Variants in PCDHGA10 observed in about 807,000 individuals in gnomAD.
The protein encoded by PCDHGA10 is protocadherin gamma subfamily A, 10, also known as protocadherin gamma-A10.
A neutral mutation model predicts 59.5 loss-of-function variants in PCDHGA10; 42 were observed. That is an observed-to-expected ratio of 0.71 (90% CI 0.55 to 0.91). The LOEUF (loss-of-function observed/expected upper bound fraction) is 0.91, where lower values mean the gene tolerates loss of function less well. PCDHGA10 is among the 40% of genes least tolerant of loss of function. PCDHGA10 has a pLI of 0.00. For synonymous variants in PCDHGA10, 511 were observed against 517.2 expected (o/e 0.99, Z 0.16); for missense variants, 1,111 against 1,198.2 (o/e 0.93, Z 1.07).
intron 2 of PCDHGA10, among the ~76,000 whole-genome samples, chr5:141,502,135 G>A (rs1254187943): frequency 6.6e-6 from 1 of 152,154 alleles, no homozygotes; most frequent in East Asian, 1.9e-4. Context: ...GAGCTCAGTC[G>A]GGCCGGAAGT....
At chr5:141,449,933 G>A (rs1012332454) in intron 1 of PCDHGA10, among the ~76,000 whole-genome samples, 1 of 149,752 alleles carries the variant, frequency 6.7e-6, no homozygotes, top group African/African-American at 2.5e-5. Flanking sequence ...ATACCTTATA[G>A]TATATTTTAC....
At chr5:141,504,511 CTCTGATAT>C (rs2099838890) in intron 2 of PCDHGA10, among the ~76,000 whole-genome samples, 1 of 151,902 alleles carries the variant, frequency 6.6e-6, no homozygotes, top group Non-Finnish European at 1.5e-5. Flanking sequence ...AGTGGATCTC[CTCTGATAT>C]ATTTTATTCG....
intron 1 of PCDHGA10, among the ~76,000 whole-genome samples, chr5:141,449,594 A>T (rs2098647409): frequency 6.6e-6 from 1 of 150,814 alleles, no homozygotes; most frequent in Non-Finnish European, 1.5e-5. Context: ...GTCTCAAAAA[A>T]AAAAAAAAAA....
chr5:141,438,635 T>C (rs1325567714), intron 1 of PCDHGA10, among the ~76,000 whole-genome samples: 9 of 33,420 alleles, frequency 2.7e-4, no homozygotes, highest in East Asian at 1.8e-3. Flanking sequence ...TATATATATA[T>C]ACACACACAC....
chr5:141,470,842 CA>C (rs1300821457), intron 1 of PCDHGA10, among the ~76,000 whole-genome samples: 2 of 152,044 alleles, frequency 1.3e-5, no homozygotes, highest in African/African-American at 4.8e-5. Flanking sequence ...CACACGCCAC[CA>C]TGCTCAGATA....
At chr5:141,418,654 G>C (rs2096278227) in intron 1 of PCDHGA10, 1 of 1,614,016 alleles carries the variant, frequency 6.2e-7, no homozygotes, top group African/African-American at 1.3e-5. Context: ...TGAGAGTGAA[G>C]GCCACTGACC....
Position 141,485,182 on chromosome 5 carries a change from C to A in PCDHGA10, c.2437-9625C>A. 6.2e-7 allele frequency: 1 copy of A among 1,613,070 alleles called. No individual in the cohort carries two copies. The highest frequency in any genetic ancestry group is 8.5e-7 in the Non-Finnish European group (1 of 1,179,154). On this transcript the variant is annotated intron_variant, in intron 1 of 3. Coordinates refer to ENST00000398610, the MANE Select transcript of PCDHGA10 (RefSeq NM_018913.3). This position sits in a 1 kb window ranked among gnomAD's most constrained non-coding sequence, Gnocchi z 5.7. ...ATTAGCGGGCGGCAGCAATGCTCCG[C>A]AAGGTGAGAAGCTGGACAGAAATCT...
rs2099629299 is a variant in PCDHGA10, at chr5:141,486,426, A to G, written c.2437-8381A>G. ...GCTGGACCCTTGGATCGAGAGGCCA[A>G]ATCTAGCTATGACATCATGGTCACT... On this transcript the variant is annotated intron_variant, in intron 1 of 3. Transcript: ENST00000398610. The surrounding 1 kb of genome is among the most constrained non-coding windows in gnomAD (Gnocchi z 5.0). 1.9e-6 allele frequency: 3 copies of G among 1,614,190 alleles called. No individual in the cohort carries two copies. Among genetic ancestry groups the G allele is most frequent in the Non-Finnish European group, 2.5e-6 (3 of 1,180,026 alleles).
Position 141,431,479 on chromosome 5 carries a change from A to T in PCDHGA10, c.2436+15868A>T. 1 of 1,613,892 alleles carries T rather than the reference A, an allele frequency of 6.2e-7. No individual in the cohort carries two copies. Among genetic ancestry groups the T allele is most frequent in the South Asian group, 1.1e-5 (1 of 91,092 alleles). On this transcript the variant is annotated intron_variant, in intron 1 of 3. Transcript: ENST00000398610. This position sits in a 1 kb window ranked among gnomAD's most constrained non-coding sequence, Gnocchi z 4.8. ...TTCTGGATGCGAACGACAACGCACC[A>T]GCGTTTGCTCAGCCCGAGTACCGCG...
At chr5:141,505,305 C>T (rs1363643214) in intron 2 of PCDHGA10, 88 bp from the exon 3 acceptor site, 2 of 1,595,104 alleles carry the variant, frequency 1.3e-6, no homozygotes, top group Admixed American at 1.7e-5. Flanking sequence ...GGTTAGGGTA[C>T]TAGGTTTGGG....
Position 141,489,352 on chromosome 5 carries a change from G to A in PCDHGA10, c.2437-5455G>A, listed in dbSNP as rs1336068787. 1.9e-6 allele frequency: 3 copies of A among 1,612,152 alleles called. No homozygotes were observed. In the Admixed American group the frequency reaches 5.0e-5, roughly 27 times the overall value. On this transcript the variant is annotated intron_variant, in intron 1 of 3. Transcript: ENST00000398610. The surrounding 1 kb of genome is among the most constrained non-coding windows in gnomAD (Gnocchi z 4.5). ...GCAGCTTCGTTACTCAGTGGTGGAG[G>A]AGTCTGAGCCGGGGACGCTGGTGGG...
chr5:141,432,336 G>A lies in PCDHGA10; in HGVS notation c.2436+16725G>A. On this transcript the variant is annotated intron_variant, in intron 1 of 3. Coordinates refer to ENST00000398610, the MANE Select transcript of PCDHGA10 (RefSeq NM_018913.3). The surrounding 1 kb of genome is among the most constrained non-coding windows in gnomAD (Gnocchi z 6.0). ...AGCTCCTTCGACTACGAGCAGTTCC[G>A]AGACTTGCAAGTGAAAGTGATGGCG... 1.2e-6 allele frequency: 2 copies of A among 1,614,250 alleles called. No homozygotes were observed. The highest frequency in any genetic ancestry group is 1.7e-6 in the Non-Finnish European group (2 of 1,180,040).
At chr5:141,503,598 CAAAAAAAAAAAA>C (rs765754054) in intron 2 of PCDHGA10, among the ~76,000 whole-genome samples, 11 of 65,762 alleles carry the variant, frequency 1.7e-4, no homozygotes, top group Admixed American at 3.4e-4. Context: ...GACTCCAGCT[CAAAAAAAAAAAA>C]AAAAGAAAAA....
rs375113497 is a variant in PCDHGA10 at position 141,415,185 on chromosome 5, C to G, written c.2010C>G (p.Asp670Glu). 66 of 1,613,860 alleles carry G rather than the reference C, an allele frequency of 4.1e-5. No individual in the cohort carries two copies. Among genetic ancestry groups the G allele is most frequent in the Non-Finnish European group, 5.4e-5 (64 of 1,180,030 alleles). ...TCACGCTCACCGTGGCCGTGGCCGACAGCATCCCCCAAGTCCTGGCGGACC... is the reference window on the plus strand; with the variant it reads ...TCACGCTCACCGTGGCCGTGGCCGAGAGCATCCCCCAAGTCCTGGCGGACC... Reference protein sequence around the residue: ...ATVTLTVAVADSIPQVLADLG... With the variant: ...ATVTLTVAVAESIPQVLADLG... The change falls in exon 1 of 4, where the codon GAC becomes GAG. Residue 670 changes from aspartate (D) to glutamate (E), a missense_variant. By Grantham distance (45) the Asp-to-Glu change is conservative. Coordinates refer to ENST00000398610, the MANE Select transcript of PCDHGA10 (RefSeq NM_018913.3).
At position 141,509,907 on chromosome 5, in the gene PCDHGA10, C is replaced by G. The variant is rs149338646; in HGVS notation, c.2585-1040C>G. Among the ~76,000 whole-genome samples, 567 of 152,300 alleles carry G rather than the reference C, an allele frequency of 3.7e-3. 5 individuals carry two copies. Among genetic ancestry groups the G allele is most frequent in the Admixed American group, 0.011 (163 of 15,296 alleles). ...GTGACTGACTGTCCCTTCCAGCATGCGCTTAGGTACACTTGGGCCTGAATG... is the reference window on the plus strand; with the variant it reads ...GTGACTGACTGTCCCTTCCAGCATGGGCTTAGGTACACTTGGGCCTGAATG... On this transcript the variant is annotated intron_variant, in intron 3 of 3. Coordinates refer to ENST00000398610, the MANE Select transcript of PCDHGA10 (RefSeq NM_018913.3).
chr5:141,492,619 G>A lies in PCDHGA10; in HGVS notation c.2437-2188G>A, dbSNP rs778698501. ...GCGACTGCCGCTCTAAGTGCCGGGC[G>A]GGCAGGACTCTACGATCCTTGGGCC... On this transcript the variant is annotated intron_variant, in intron 1 of 3. Coordinates refer to ENST00000398610, the MANE Select transcript of PCDHGA10 (RefSeq NM_018913.3). 7.8e-4 allele frequency among the ~76,000 whole-genome samples: 118 copies of A among 152,234 alleles called. 1 individual carries two copies. The highest frequency in any genetic ancestry group is 3.3e-3 in the Admixed American group (51 of 15,282).
At chr5:141,500,887 T>C (rs557735403) in intron 2 of PCDHGA10, among the ~76,000 whole-genome samples, 1 of 95,622 alleles carries the variant, frequency 1.0e-5, no homozygotes, top group South Asian at 2.8e-4. Context: ...ATTTTTTTTT[T>C]TTGAGACAGT....
chr5:141,495,721 G>A (rs2099763243), intron 2 of PCDHGA10, among the ~76,000 whole-genome samples: 1 of 152,100 alleles, frequency 6.6e-6, no homozygotes, highest in Non-Finnish European at 1.5e-5. Context: ...TAACTACACG[G>A]GACCCTTAGT....
At chr5:141,478,497 C>T in intron 1 of PCDHGA10, 1 of 1,612,820 alleles carries the variant, frequency 6.2e-7, no homozygotes, top group Non-Finnish European at 8.5e-7. Context: ...AGCTGTGATC[C>T]GGTGTTCTAT....
Sources: allele counts gnomAD v4.1 joint callset (sites outside exome capture counted in the v4.1 genomes callset), GRCh38; gene constraint gnomAD v4.1.1; non-coding constraint Gnocchi (gnomAD v3.1); transcripts MANE v1.5; gene names NCBI Gene and HGNC (gene_info 2026-07-23, HGNC 2026-07-21).